The following CUL3 variants were observed in gnomAD, a reference collection of about 807,000 sequenced individuals.
The protein encoded by CUL3 is cullin 3, also known as cullin-3.
Under a neutral mutation model 89.1 loss-of-function variants are expected in CUL3, and 19 were observed. The ratio of observed to expected loss-of-function variants is 0.21; its 90% CI spans 0.15 to 0.31. The LOEUF is 0.31. Among genes scored for constraint, CUL3 ranks in the 10% least tolerant of loss-of-function variants. CUL3 has a pLI of 1.00. For synonymous variants in CUL3, 351 were observed against 308.4 expected, an observed-to-expected ratio of 1.14 and a Z score of -1.45; for missense variants, 469 against 942.3, an observed-to-expected ratio of 0.50 and a Z score of 6.58.
intron 2 of CUL3, among the ~76,000 whole-genome samples, chr2:224,551,472 T>C (rs896496365): frequency 1.3e-5 from 2 of 151,964 alleles, no homozygotes; most frequent in African/African-American, 2.4e-5. Context: ...CCCAAAGTGC[T>C]GGGATTACAG....
intron 2 of CUL3, among the ~76,000 whole-genome samples, chr2:224,544,514 C>CA (rs1574678197): frequency 6.8e-6 from 1 of 147,320 alleles, no homozygotes; most frequent in Non-Finnish European, 1.5e-5. Context: ...CTTACATATA[C>CA]AAAAAAAGTT....
chr2:224,538,979 C>A (rs1368452844), intron 2 of CUL3, among the ~76,000 whole-genome samples: 1 of 151,922 alleles, frequency 6.6e-6, no homozygotes, highest in Non-Finnish European at 1.5e-5. Context: ...CAAGCCTGGG[C>A]AACACAGCAA....
intron 1 of CUL3, among the ~76,000 whole-genome samples, chr2:224,573,073 A>C (rs1695219303): frequency 6.6e-6 from 1 of 152,256 alleles, no homozygotes. Flanking sequence ...TCATCAAAAA[A>C]GCATTATTTC....
chr2:224,557,430 T>C (rs1694748103), intron 2 of CUL3, among the ~76,000 whole-genome samples: 1 of 152,192 alleles, frequency 6.6e-6, no homozygotes, highest in Admixed American at 6.5e-5. Context: ...TTCATTATGA[T>C]TTAAAGAAAG....
chr2:224,539,965 C>A (rs995244906), intron 2 of CUL3, among the ~76,000 whole-genome samples: 2 of 150,698 alleles, frequency 1.3e-5, no homozygotes, highest in African/African-American at 4.9e-5. Context: ...AATAAATGTA[C>A]CACTCTGGTG....
intron 13 of CUL3, among the ~76,000 whole-genome samples, chr2:224,484,008 A>C (rs1422157858): frequency 6.6e-6 from 1 of 152,146 alleles, no homozygotes; most frequent in East Asian, 1.9e-4. Flanking sequence ...TGGTCAACAT[A>C]GCAAGATCTG....
intron 2 of CUL3, among the ~76,000 whole-genome samples, chr2:224,545,662 G>A (rs1234677605): frequency 2.0e-5 from 3 of 152,142 alleles, no homozygotes; most frequent in Non-Finnish European, 2.9e-5. Flanking sequence ...AAAACAGGGT[G>A]CTTGGCACTA....
At chr2:224,536,167 C>G (rs966624110) in intron 2 of CUL3, among the ~76,000 whole-genome samples, 1 of 152,200 alleles carries the variant, frequency 6.6e-6, no homozygotes, top group Admixed American at 6.5e-5. Context: ...GTTTTAAGAA[C>G]TGAATTAACG....
chr2:224,471,271 T>C lies in CUL3; in HGVS notation c.*2974A>G, dbSNP rs1160274349. On this transcript the variant is annotated 3_prime_UTR_variant, in exon 16 of 16. Transcript: ENST00000264414. ...CCATATACTCTATAAAAAATTATTC[T>C]ATGAAAGTCTTAAGTTACAGTAGAC... 1 of 205,692 alleles carries C rather than the reference T, an allele frequency of 4.9e-6. No homozygotes were observed. Among genetic ancestry groups the C allele is most frequent in the African/African-American group, 2.3e-5 (1 of 43,826 alleles). 12.7% of individuals were successfully genotyped at this position (205,692 alleles called of 1,614,324 possible).
chr2:224,577,569 CAAA>C (rs34800843), intron 1 of CUL3, among the ~76,000 whole-genome samples: 17 of 133,302 alleles, frequency 1.3e-4, no homozygotes, highest in African/African-American at 1.1e-4. Flanking sequence ...GACTCTGTCT[CAAA>C]AAAAAAAAAA....
At chr2:224,568,857 G>A (rs1055009491) in intron 1 of CUL3, among the ~76,000 whole-genome samples, 3 of 152,076 alleles carry the variant, frequency 2.0e-5, no homozygotes, top group African/African-American at 2.4e-5. Context: ...ACACATGATC[G>A]GGTCTTGGCA....
chr2:224,581,322 G>A (rs1574711978), intron 1 of CUL3, among the ~76,000 whole-genome samples: 1 of 151,382 alleles, frequency 6.6e-6, no homozygotes, highest in East Asian at 2.0e-4. Flanking sequence ...CTCGAACCCA[G>A]GAGGCGGAGG....
rs556130650 is a variant in CUL3, at chr2:224,515,583, C to T, written c.379-811G>A. ...CTTTGGAAAGAAAGCCCATATCTTTCACCAGATTCTTGAACATGAATCTAC... is the reference window on the plus strand; with the variant it reads ...CTTTGGAAAGAAAGCCCATATCTTTTACCAGATTCTTGAACATGAATCTAC... On this transcript the variant is annotated intron_variant, in intron 3 of 15. Coordinates refer to ENST00000264414, the MANE Select transcript of CUL3 (RefSeq NM_003590.5). Among the ~76,000 whole-genome samples the T allele has an allele frequency of 3.3e-4, 51 of 152,298 alleles. 2 individuals are homozygous for T. In the South Asian group the frequency reaches 0.01, roughly 31 times the overall value.
intron 1 of CUL3, among the ~76,000 whole-genome samples, chr2:224,571,500 C>T (rs975150557): frequency 7.2e-5 from 11 of 152,040 alleles, no homozygotes; most frequent in Non-Finnish European, 1.5e-4. Flanking sequence ...AGGAAAAAAA[C>T]ATACAAAATA....
chr2:224,584,283 C>T (rs1414837906), intron 1 of CUL3, among the ~76,000 whole-genome samples: 1 of 152,096 alleles, frequency 6.6e-6, no homozygotes, highest in Non-Finnish European at 1.5e-5. Context: ...TGTTGCTTCC[C>T]CCCCACCCGG....
At chr2:224,481,755 G>A (rs1204310587) in intron 14 of CUL3, 137 bp downstream of exon 14, 2 of 520,802 alleles carry the variant, frequency 3.8e-6, no homozygotes, top group African/African-American at 4.0e-5. Flanking sequence ...ATCAATAAAA[G>A]CTGCTTTCTT....
chr2:224,549,328 A>T (rs201328357), intron 2 of CUL3, among the ~76,000 whole-genome samples: 28 of 87,500 alleles, frequency 3.2e-4, no homozygotes, highest in East Asian at 5.2e-4. Context: ...AAAATAAATT[A>T]AAAAAAAAAA....
At chr2:224,529,947 A>C (rs1233622150) in intron 3 of CUL3, among the ~76,000 whole-genome samples, 1 of 152,136 alleles carries the variant, frequency 6.6e-6, no homozygotes, top group Admixed American at 6.5e-5. Flanking sequence ...GTTAAGAGTA[A>C]AAGTCAGCTA....
In CUL3 at chr2:224,474,170, T is replaced by C; in HGVS notation, c.*75A>G. The C allele has an allele frequency of 7.0e-7, 1 of 1,436,280 alleles. No homozygotes were observed. The highest frequency in any genetic ancestry group is 2.3e-5 in the East Asian group (1 of 43,702). 89.0% of individuals were successfully genotyped at this position (1,436,280 alleles called of 1,614,324 possible). A position where few individuals can be genotyped will look rare whatever the true frequency, so the allele number is the denominator to read the frequency against. On this transcript the variant is annotated 3_prime_UTR_variant, in exon 16 of 16. Coordinates refer to ENST00000264414, the MANE Select transcript of CUL3 (RefSeq NM_003590.5). ...AATAGAAGAGATGGTCGTCTTAATA[T>C]TTAATGATTTAAAAGAACTTCCCAG...
Sources: allele counts gnomAD v4.1 joint callset (sites outside exome capture counted in the v4.1 genomes callset), GRCh38; gene constraint gnomAD v4.1.1; transcripts MANE v1.5; gene names NCBI Gene and HGNC (gene_info 2026-07-23, HGNC 2026-07-21).